Variants in PEX11A observed in about 807,000 individuals in gnomAD.
The protein encoded by PEX11A is peroxisomal biogenesis factor 11 alpha, also known as peroxisomal membrane protein 11A.
PEX11A carries 13 observed loss-of-function variants against 14.4 expected under a neutral mutation model. The observed-to-expected ratio is 0.90, with a 90% confidence interval of 0.59 to 1.43. PEX11A has a LOEUF of 1.43. Ranked by LOEUF, PEX11A falls within the 40% of genes most tolerant of loss-of-function variation. PEX11A has a pLI of 0.00. For synonymous variants in PEX11A, 101 were observed against 113.0 expected (o/e 0.89, Z 0.67); for missense variants, 290 against 302.8 (o/e 0.96, Z 0.31).
rs759780857 is a variant in PEX11A, at chr15:89,686,555, GA to G, written c.57-10del. 0.038 allele frequency: 33,664 copies of G among 884,436 alleles called. 2 individuals are homozygous for G. Among genetic ancestry groups the G allele is most frequent in the South Asian group, 0.062 (3,096 of 49,784 alleles). 54.8% of individuals were successfully genotyped at this position (884,436 alleles called of 1,614,324 possible). On this transcript the variant is annotated splice_polypyrimidine_tract_variant and intron_variant, in intron 1 of 2. Transcript: ENST00000300056. ...ATGTGTACTGAGTGGCTCTGAAATG[GA>G]AAAAAAAAAATTGAGAAGAATGATT...
At position 89,681,964 on chromosome 15, in the gene PEX11A, C is replaced by T. The variant is rs1964606591; in HGVS notation, c.*1413G>A. 6.3e-6 allele frequency: 1 copy of T among 158,796 alleles called. No homozygotes were observed. The highest frequency in any genetic ancestry group is 6.2e-5 in the Admixed American group (1 of 16,054). 9.8% of individuals were successfully genotyped at this position (158,796 alleles called of 1,614,324 possible). On this transcript the variant is annotated 3_prime_UTR_variant, in exon 3 of 3. Coordinates refer to ENST00000300056, the MANE Select transcript of PEX11A (RefSeq NM_003847.3). ...AGTCAATGTCATTGACTCAGCATTC[C>T]ATTGTCCTCTTCACTGGCTTCCTCC... is the stretch of plus-strand genomic sequence containing the variant.
chr15:89,690,667 C>A lies in PEX11A; in HGVS notation c.-35G>T, dbSNP rs953305673. On this transcript the variant is annotated 5_prime_UTR_variant, in exon 1 of 3. Coordinates refer to ENST00000300056, the MANE Select transcript of PEX11A (RefSeq NM_003847.3). ...CCCAAAGGCCACGAGTCGCACGGGG[C>A]TCAGGCGTGGGTCCTCTGGGGCCCG... The A allele has an allele frequency of 3.3e-5, 51 of 1,525,680 alleles. No homozygotes were observed. Among genetic ancestry groups the A allele is most frequent in the Middle Eastern group, 3.6e-4 (2 of 5,558 alleles). 94.5% of individuals were successfully genotyped at this position (1,525,680 alleles called of 1,614,324 possible). A position where few individuals can be genotyped will look rare whatever the true frequency, so the allele number is the denominator to read the frequency against.
intron 1 of PEX11A, among the ~76,000 whole-genome samples, chr15:89,687,426 G>A (rs768724802): frequency 3.3e-5 from 5 of 152,032 alleles, no homozygotes; most frequent in Non-Finnish European, 5.9e-5. Flanking sequence ...AAACTTATTC[G>A]TATTTTACAT....
rs1596047441 is a variant in PEX11A, at chr15:89,683,143, A to C, written c.*234T>G. The stretch of plus-strand genomic sequence containing the variant: ...AGAGATGTTCAATCAATGTTAGATG[A>C]AGGGAAAATATTCAGAAATTCACAA... On this transcript the variant is annotated 3_prime_UTR_variant, in exon 3 of 3. Coordinates refer to ENST00000300056, the MANE Select transcript of PEX11A (RefSeq NM_003847.3). 1 of 517,958 alleles carries C rather than the reference A, an allele frequency of 1.9e-6. No individual in the cohort carries two copies. The highest frequency in any genetic ancestry group is 3.1e-5 in the South Asian group (1 of 31,864). 32.1% of individuals were successfully genotyped at this position (517,958 alleles called of 1,614,324 possible). A position where few individuals can be genotyped will look rare whatever the true frequency, so the allele number is the denominator to read the frequency against.
Position 89,683,203 on chromosome 15 carries a change from A to C in PEX11A, c.*174T>G, listed in dbSNP as rs1964622702. On this transcript the variant is annotated 3_prime_UTR_variant, in exon 3 of 3. Transcript: ENST00000300056. Reference sequence around the variant, plus strand: ...GCACTCCAAAAACATACAACTCTTCATGCTCCTCCCTTCTCCGTTCTTGGC... The same window carrying C: ...GCACTCCAAAAACATACAACTCTTCCTGCTCCTCCCTTCTCCGTTCTTGGC... The C allele has an allele frequency of 1.6e-6, 1 of 625,080 alleles. No individual in the cohort carries two copies. The highest frequency in any genetic ancestry group is 2.8e-6 in the Non-Finnish European group (1 of 352,626). 38.7% of individuals were successfully genotyped at this position (625,080 alleles called of 1,614,324 possible). A position where few individuals can be genotyped will look rare whatever the true frequency, so the allele number is the denominator to read the frequency against.
chr15:89,690,290 A>C (rs1368408065), intron 1 of PEX11A, among the ~76,000 whole-genome samples: 1 of 152,182 alleles, frequency 6.6e-6, no homozygotes, highest in Non-Finnish European at 1.5e-5. Context: ...GGGGAGGAGG[A>C]TCTGTCAGCC....
intron 1 of PEX11A, chr15:89,688,075 C>G (rs1376712122): frequency 1.9e-6 from 1 of 533,588 alleles, no homozygotes; most frequent in Non-Finnish European, 3.7e-6. Context: ...TAGTTTTAGA[C>G]TTTTTCTGGA....
At position 89,686,435 on chromosome 15, in the gene PEX11A, A is replaced by T; in HGVS notation, c.168T>A (p.Arg56=). ...CTCAAGAAACAGGGTACTTACATTT[A>T]CGACCAGTGCTCACACTGGACTCCA... ...KKLESSVSTG[R]KWFRLGNVVH... The change falls in exon 2 of 3, where the codon CGT becomes CGA. Residue 56 remains arginine, a synonymous_variant. Transcript: ENST00000300056. 1 of 1,440,902 alleles carries T rather than the reference A, an allele frequency of 6.9e-7. No homozygotes were observed. The highest frequency in any genetic ancestry group is 1.7e-4 in the Middle Eastern group (1 of 5,736). 89.3% of individuals were successfully genotyped at this position (1,440,902 alleles called of 1,614,324 possible).
Position 89,690,645 on chromosome 15 carries a change from A to T in PEX11A, c.-13T>A. ...TGAAGGCGTCCATGGCTTCTAGCCC[A>T]AAGGCCACGAGTCGCACGGGGCTCA... On this transcript the variant is annotated 5_prime_UTR_variant, in exon 1 of 3. Transcript: ENST00000300056. The T allele has an allele frequency of 6.5e-7, 1 of 1,549,916 alleles. No homozygotes were observed. The highest frequency in any genetic ancestry group is 8.7e-7 in the Non-Finnish European group (1 of 1,145,886).
chr15:89,682,881 C>CGT lies in PEX11A; in HGVS notation c.*495_*496insAC. 6.3e-6 allele frequency: 1 copy of CGT among 158,348 alleles called. No homozygotes were observed. Among genetic ancestry groups the CGT allele is most frequent in the Non-Finnish European group, 1.4e-5 (1 of 72,064 alleles). The allele number at this position is 158,348 out of a possible 1,614,324, so 9.8% of individuals were successfully genotyped here. ...ATGAGTGCAGTGATGGTATAAGGGC[C>CGT]AACAAGTTGAGAGGCTGTAAGCCCA... On this transcript the variant is annotated 3_prime_UTR_variant, in exon 3 of 3. Coordinates refer to ENST00000300056, the MANE Select transcript of PEX11A (RefSeq NM_003847.3).
Position 89,690,698 on chromosome 15 carries a change from T to A in PEX11A, c.-66A>T, listed in dbSNP as rs1964822355. The A allele has an allele frequency of 1.7e-6, 2 of 1,197,344 alleles. No homozygotes were observed. Among genetic ancestry groups the A allele is most frequent in the East Asian group, 2.6e-5 (1 of 39,076 alleles). The allele number at this position is 1,197,344 out of a possible 1,614,324, so 74.2% of individuals were successfully genotyped here. On this transcript the variant is annotated 5_prime_UTR_variant, in exon 1 of 3. Coordinates refer to ENST00000300056, the MANE Select transcript of PEX11A (RefSeq NM_003847.3). The stretch of plus-strand genomic sequence containing the variant: ...CGTGGGTCCTCTGGGGCCCGTCGGA[T>A]CCCCAGGGAACGGTCAGTCCCAGGT...
chr15:89,683,805 TC>T lies in PEX11A; in HGVS notation c.315del (p.Arg106GlyfsTer3). 1 of 1,614,152 alleles carries T rather than the reference TC, an allele frequency of 6.2e-7. No individual in the cohort carries two copies. Among genetic ancestry groups the T allele is most frequent in the Non-Finnish European group, 8.5e-7 (1 of 1,180,010 alleles). ...IYFICDTILWVRSVGLTSGIN... is the reference protein window; with the variant it reads ...IYFICDTILWXRSVGLTSGIN... ...ATGCCAGAGGTGAGACCTACGCTCC[TC>T]ACCCAGAGGATGGTGTCACAGATGA... On this transcript the variant is annotated frameshift_variant, in exon 3 of 3. Transcript: ENST00000300056. LOFTEE classifies it low-confidence loss of function (END_TRUNC).
At position 89,683,921 on chromosome 15, in the gene PEX11A, G is replaced by A. The variant is rs554905469; in HGVS notation, c.200C>T (p.Ala67Val). 1 of 1,613,286 alleles carries A rather than the reference G, an allele frequency of 6.2e-7. No individual in the cohort carries two copies. The highest frequency in any genetic ancestry group is 1.1e-5 in the South Asian group (1 of 91,006). Residue 67 changes from alanine to valine, a missense_variant, in exon 3 of 3, where the codon GCT (alanine) becomes GTT (valine). Transcript: ENST00000300056. ...KWFRLGNVVH[A>V]IQATEQSIHA... ...AATGCTCTGCTCAGTTGCCTGTATA[G>A]CATGTACCACATTGCCTAGTCTGAA...
rs942821443 is a variant in PEX11A at position 89,690,718 on chromosome 15, C to G, written c.-86G>C. ...TCGGATCCCCAGGGAACGGTCAGTCCCAGGTTATCCGCTGAGGGGGAGGGG... is the reference window on the plus strand; with the variant it reads ...TCGGATCCCCAGGGAACGGTCAGTCGCAGGTTATCCGCTGAGGGGGAGGGG... On this transcript the variant is annotated 5_prime_UTR_variant, in exon 1 of 3. Transcript: ENST00000300056. The G allele has an allele frequency of 1.0e-6, 1 of 958,152 alleles. No individual in the cohort carries two copies. Among genetic ancestry groups the G allele is most frequent in the Admixed American group, 2.3e-5 (1 of 43,884 alleles). The allele number at this position is 958,152 out of a possible 1,614,324, so 59.4% of individuals were successfully genotyped here.
At chr15:89,688,301 G>A in intron 1 of PEX11A, 1 of 461,066 alleles carries the variant, frequency 2.2e-6, no homozygotes, top group Admixed American at 2.3e-5. Context: ...ATGAATGCCA[G>A]TGTGGTCATA....
chr15:89,684,895 T>C (rs957348421), intron 2 of PEX11A, among the ~76,000 whole-genome samples: 2 of 152,062 alleles, frequency 1.3e-5, no homozygotes, highest in Admixed American at 1.3e-4. Context: ...AGAAAACTTA[T>C]AATCTCAGAA....
In PEX11A at chr15:89,681,901, T is replaced by C. The variant is rs996883954; in HGVS notation, c.*1476A>G. The C allele has an allele frequency of 1.0e-5, 2 of 197,172 alleles. No individual in the cohort carries two copies. The highest frequency in any genetic ancestry group is 1.1e-4 in the South Asian group (1 of 9,512). The allele number at this position is 197,172 out of a possible 1,614,324, so 12.2% of individuals were successfully genotyped here. ...TCAAACTAAAGGATCTGTAACCACA[T>C]ATAAAGACCCACACCCAAGATGGCA... On this transcript the variant is annotated 3_prime_UTR_variant, in exon 3 of 3. Coordinates refer to ENST00000300056, the MANE Select transcript of PEX11A (RefSeq NM_003847.3).
rs376444298 is a variant in PEX11A at position 89,683,503 on chromosome 15, C to G, written c.618G>C (p.Leu206=). 3.6e-5 allele frequency: 58 copies of G among 1,614,022 alleles called. No homozygotes were observed. The highest frequency in any genetic ancestry group is 4.8e-5 in the Non-Finnish European group (57 of 1,179,972). ...AGATCCCCAGCTGGTCCAAAGGGTT[C>G]AGGATATCACAAAGGTTCTTCACTG... ...LDTVKNLCDI[L]NPLDQLGIYK... Residue 206 remains leucine, a synonymous_variant, in exon 3 of 3, where the codon CTG becomes CTC. Transcript: ENST00000300056.
intron 1 of PEX11A, among the ~76,000 whole-genome samples, chr15:89,689,535 T>G (rs1343674996): frequency 6.6e-6 from 1 of 152,248 alleles, no homozygotes; most frequent in Non-Finnish European, 1.5e-5. Flanking sequence ...TAAAACATCA[T>G]GAACTAGTAC....
Sources: gnomAD v4.1 joint callset for allele counts (sites outside exome capture counted in the v4.1 genomes callset) on GRCh38, gnomAD v4.1.1 for gene constraint, MANE v1.5 for transcripts, NCBI Gene and HGNC (gene_info 2026-07-23, HGNC 2026-07-21) for gene names.